The following LZTR1 variants were observed in gnomAD, a reference collection of about 807,000 sequenced individuals.
The protein encoded by LZTR1 is leucine-zipper-like transcriptional regulator 1.
In LZTR1, 260 loss-of-function variants were observed where a neutral mutation model predicts 105.7. The ratio of observed to expected loss-of-function variants is 2.46; its 90% CI spans 2.22 to 2.72. The LOEUF is 2.72. Ranked by LOEUF, LZTR1 falls within the 30% of genes most tolerant of loss-of-function variation. The pLI, the probability that LZTR1 is intolerant of heterozygous loss-of-function variation, is 0.00. For synonymous variants in LZTR1, 490 were observed against 476.4 expected (o/e 1.03, Z -0.37); for missense variants, 1,214 against 1,166.9 (o/e 1.04, Z -0.59).
At chr22:20,991,907 A>G in intron 9 of LZTR1, 78 bp downstream of exon 9, 1 of 1,374,242 alleles carries the variant, frequency 7.3e-7, no homozygotes, top group African/African-American at 1.4e-5. Context: ...AGCTCCTCAC[A>G]GCTTTGGGGC....
intron 7 of LZTR1, among the ~76,000 whole-genome samples, chr22:20,990,139 G>C (rs529788671): frequency 9.9e-5 from 15 of 152,028 alleles, no homozygotes; most frequent in Non-Finnish European, 1.8e-4. Context: ...TCAGTCTTCT[G>C]GGCATGAAAA....
In LZTR1 at chr22:20,985,916, C is replaced by T. The variant is rs1189030789; in HGVS notation, c.320+19C>T. The T allele has an allele frequency of 2.5e-6, 4 of 1,613,410 alleles. No individual in the cohort carries two copies. Among genetic ancestry groups the T allele is most frequent in the Non-Finnish European group, 3.4e-6 (4 of 1,179,522 alleles). On this transcript the variant is annotated intron_variant, in intron 3 of 20. Coordinates refer to ENST00000646124, the MANE Select transcript of LZTR1 (RefSeq NM_006767.4). ...GGTGCAGGTGGGTGGCCCCGTGCTC[C>T]AGGGCCCTGCCTTTCCTCCTAGAAC...
chr22:20,986,714 ATGAT>A (rs1403910555), intron 3 of LZTR1: 2 of 152,194 alleles, frequency 1.3e-5, no homozygotes, highest in African/African-American at 4.8e-5. Context: ...TATAGATTAG[ATGAT>A]TGATAGATGA....
chr22:20,996,986 C>T lies in LZTR1; in HGVS notation c.2406+20C>T, dbSNP rs1485119519. 2 of 1,611,712 alleles carry T rather than the reference C, an allele frequency of 1.2e-6. No individual in the cohort carries two copies. Among genetic ancestry groups the T allele is most frequent in the Non-Finnish European group, 1.7e-6 (2 of 1,178,516 alleles). On this transcript the variant is annotated intron_variant, in intron 20 of 20. Coordinates refer to ENST00000646124, the MANE Select transcript of LZTR1 (RefSeq NM_006767.4). ...ACCAAGGTCAGGGCTCTGGCCTCCC[C>T]TTCAGGACTCGCTTCCCCTTGGCAG...
At position 20,992,915 on chromosome 22, in the gene LZTR1, T is replaced by A. The variant is rs1298556569; in HGVS notation, c.1260+11T>A. On this transcript the variant is annotated intron_variant, in intron 11 of 20. Transcript: ENST00000646124. Reference sequence around the variant, plus strand: ...ATGTACAGGTTCCAGGTGTGGGGCCTGTGGGCCTGTAGAGCCGGCTGGGTG... The same window carrying A: ...ATGTACAGGTTCCAGGTGTGGGGCCAGTGGGCCTGTAGAGCCGGCTGGGTG... 5 of 1,555,622 alleles carry A rather than the reference T, an allele frequency of 3.2e-6. No homozygotes were observed. Among genetic ancestry groups the A allele is most frequent in the South Asian group, 1.2e-5 (1 of 86,422 alleles).
intron 3 of LZTR1, 177 bp downstream of exon 3, chr22:20,986,074 A>C (rs1400288371): frequency 1.5e-6 from 1 of 653,888 alleles, no homozygotes; most frequent in African/African-American, 1.8e-5. Context: ...CAGGCTGAGG[A>C]GATCAAGTAA....
rs377033700 is a variant in LZTR1 at position 20,988,889 on chromosome 22, C to G, written c.593+17C>G. Reference sequence around the variant, plus strand: ...CAACGCCAGGTGGGTGGTGGTCCGGCCTGTGCACCCCACCTCCGACAGCAC... The same window carrying G: ...CAACGCCAGGTGGGTGGTGGTCCGGGCTGTGCACCCCACCTCCGACAGCAC... On this transcript the variant is annotated intron_variant, in intron 6 of 20. Coordinates refer to ENST00000646124, the MANE Select transcript of LZTR1 (RefSeq NM_006767.4). 6.2e-7 allele frequency: 1 copy of G among 1,608,042 alleles called. No individual in the cohort carries two copies. Among genetic ancestry groups the G allele is most frequent in the Admixed American group, 1.7e-5 (1 of 60,014 alleles).
At chr22:20,986,080 A>C in intron 3 of LZTR1, 183 bp downstream of exon 3, 1 of 636,648 alleles carries the variant, frequency 1.6e-6, no homozygotes, top group Non-Finnish European at 2.7e-6. Context: ...GAGGAGATCA[A>C]GTAACCACCC....
chr22:20,983,095 T>A lies in LZTR1; in HGVS notation c.263+6T>A. 1 of 1,612,692 alleles carries A rather than the reference T, an allele frequency of 6.2e-7. No individual in the cohort carries two copies. Among genetic ancestry groups the A allele is most frequent in the Non-Finnish European group, 8.5e-7 (1 of 1,178,750 alleles). ...GTATTTGGTGGAGACAATGGGTGAGTGAGTCTCAGCATCAGTGTTTGGACC... is the reference window on the plus strand; with the variant it reads ...GTATTTGGTGGAGACAATGGGTGAGAGAGTCTCAGCATCAGTGTTTGGACC... On this transcript the variant is annotated splice_donor_region_variant and intron_variant, in intron 2 of 20. Transcript: ENST00000646124.
rs765416902 is a variant in LZTR1 at position 20,994,677 on chromosome 22, G to C, written c.1735G>C (p.Val579Leu). ...YIEASVDLQN[V>L]LVVCESAARL... ...CGAGGCCTCCGTGGACCTGCAGAACGTGCTGGTTGTGTGCGAGAGTGCCGC... is the reference window on the plus strand; with the variant it reads ...CGAGGCCTCCGTGGACCTGCAGAACCTGCTGGTTGTGTGCGAGAGTGCCGC... The change falls in exon 15 of 21, where the codon GTG (valine) becomes CTG (leucine). Residue 579 changes from valine (V) to leucine (L), a missense_variant. Transcript: ENST00000646124. 6.2e-7 allele frequency: 1 copy of C among 1,612,814 alleles called. No individual in the cohort carries two copies. Among genetic ancestry groups the C allele is most frequent in the Admixed American group, 1.7e-5 (1 of 60,004 alleles).
rs1393147910 is a variant in LZTR1, at chr22:20,993,990, A to G, written c.1420A>G (p.Ile474Val). 6 of 1,611,784 alleles carry G rather than the reference A, an allele frequency of 3.7e-6. No individual in the cohort carries two copies. Among genetic ancestry groups the G allele is most frequent in the Non-Finnish European group, 5.1e-6 (6 of 1,179,686 alleles). ...GCGGAGCCGCTGGCTTCGCAGGAAG[A>G]TCACGCAGGCGCGGGAGAGGCTGGC... ...TARSRWLRRK[I>V]TQARERLAQK... Residue 474 changes from isoleucine (I) to valine (V), a missense_variant, in exon 13 of 21, where the codon ATC becomes GTC. By Grantham distance (29) the Ile-to-Val change is conservative (BLOSUM62 3). Coordinates refer to ENST00000646124, the MANE Select transcript of LZTR1 (RefSeq NM_006767.4).
rs1417244728 is a variant in LZTR1 at position 20,989,623 on chromosome 22, AG to A, written c.594del. 2 of 1,613,324 alleles carry A rather than the reference AG, an allele frequency of 1.2e-6. No individual in the cohort carries two copies. The highest frequency in any genetic ancestry group is 2.2e-5 in the East Asian group (1 of 44,890). On this transcript the variant is annotated splice_acceptor_variant, in intron 6 of 20. Coordinates refer to ENST00000646124, the MANE Select transcript of LZTR1 (RefSeq NM_006767.4). LOFTEE classifies it high-confidence loss of function. ...GGTCCTCACTGGTCTGTCCTAATAC[AG>A]GTTGAATGACATGTGGACAATTGGC... is the stretch of plus-strand genomic sequence containing the variant.
Position 20,995,882 on chromosome 22 carries a change from G to T in LZTR1, c.2069+10G>T. ...TGGCCGCCCGCTCCAGGTGGGTGGGGGCTGGACAGGAGGGGAGGGTGGGCC... is the reference window on the plus strand; with the variant it reads ...TGGCCGCCCGCTCCAGGTGGGTGGGTGCTGGACAGGAGGGGAGGGTGGGCC... On this transcript the variant is annotated intron_variant, in intron 17 of 20. Coordinates refer to ENST00000646124, the MANE Select transcript of LZTR1 (RefSeq NM_006767.4). 6.2e-7 allele frequency: 1 copy of T among 1,612,894 alleles called. No individual in the cohort carries two copies. The highest frequency in any genetic ancestry group is 8.5e-7 in the Non-Finnish European group (1 of 1,179,940).
chr22:20,995,673 A>AG, intron 16 of LZTR1, 73 bp from the exon 17 acceptor site: 2 of 1,575,886 alleles, frequency 1.3e-6, no homozygotes, highest in Non-Finnish European at 1.7e-6. Context: ...GCAGATATGC[A>AG]GGAAGGTAGT....
chr22:20,994,128 G>T lies in LZTR1; in HGVS notation c.1474G>T (p.Val492Phe). ...AQKLEQEAAP[V>F]PREAPGVAAG... ...GAAGCTGGAGCAGGAGGCCGCCCCA[G>T]TTCCCAGGGAGGCCCCCGGCGTGGC... The change falls in exon 14 of 21, where the codon GTT becomes TTT. Residue 492 changes from valine (V) to phenylalanine (F), a missense_variant. Transcript: ENST00000646124. 1 of 1,587,144 alleles carries T rather than the reference G, an allele frequency of 6.3e-7. No individual in the cohort carries two copies. Among genetic ancestry groups the T allele is most frequent in the South Asian group, 1.1e-5 (1 of 88,772 alleles).
intron 10 of LZTR1, 146 bp from the exon 11 acceptor site, chr22:20,992,648 T>A: frequency 1.6e-6 from 1 of 642,480 alleles, no homozygotes; most frequent in South Asian, 1.9e-5. Context: ...CCTGTGTCTG[T>A]ACCCAGGGGC....
chr22:20,988,190 T>C (rs1450073513), intron 5 of LZTR1, 72 bp downstream of exon 5: 8 of 967,336 alleles, frequency 8.3e-6, no homozygotes, highest in Non-Finnish European at 1.3e-5. Flanking sequence ...TCTGCCCCCT[T>C]TTGCCTCCCA....
chr22:20,992,137 C>T, intron 9 of LZTR1, 77 bp from the exon 10 acceptor site: 1 of 1,442,490 alleles, frequency 6.9e-7, no homozygotes, highest in South Asian at 1.2e-5. Flanking sequence ...ACTCTCAAGG[C>T]CAGGATGGTG....
intron 6 of LZTR1, among the ~76,000 whole-genome samples, chr22:20,989,259 C>T (rs914897656): frequency 2.6e-5 from 4 of 152,236 alleles, no homozygotes; most frequent in Non-Finnish European, 5.9e-5. Context: ...ACAAAAGTAG[C>T]ATATGCTGGT....
Sources: allele counts gnomAD v4.1 joint callset (sites outside exome capture counted in the v4.1 genomes callset), GRCh38; gene constraint gnomAD v4.1.1; transcripts MANE v1.5; gene names NCBI Gene and HGNC (gene_info 2026-07-23, HGNC 2026-07-21).